DTNB: variants seen among roughly 807,000 people sequenced by gnomAD.
DTNB encodes DTN-B.
Under a neutral mutation model 90.7 loss-of-function variants are expected in DTNB, and 63 were observed. That is an observed-to-expected ratio of 0.69 (90% CI 0.57 to 0.86). The LOEUF (loss-of-function observed/expected upper bound fraction) is 0.86. Among genes scored for constraint, DTNB ranks in the 40% least tolerant of loss-of-function variants. DTNB has a pLI of 0.00. For missense variants in DTNB, 744 were observed against 807.1 expected, an observed-to-expected ratio of 0.92 and a Z score of 0.95; for synonymous variants, 277 against 286.7, an observed-to-expected ratio of 0.97 and a Z score of 0.34.
At chr2:25,397,844 C>T (rs904166940) in intron 16 of DTNB, among the ~76,000 whole-genome samples, 2 of 146,356 alleles carry the variant, frequency 1.4e-5, no homozygotes, top group African/African-American at 5.2e-5. Flanking sequence ...CCTGCCACTG[C>T]CCTCCAGCCT....
chr2:25,379,913 G>C (rs979053182), intron 19 of DTNB: 1 of 152,502 alleles, frequency 6.6e-6, no homozygotes, highest in Non-Finnish European at 1.5e-5. Flanking sequence ...TGTGGAGGGT[G>C]GAGATGATGT....
intron 5 of DTNB, among the ~76,000 whole-genome samples, chr2:25,600,858 T>C (rs747877284): frequency 6.6e-5 from 10 of 152,222 alleles, no homozygotes; most frequent in Non-Finnish European, 7.3e-5. Context: ...TACTACGTCA[T>C]ATGAATAGAT....
intron 12 of DTNB, among the ~76,000 whole-genome samples, chr2:25,442,306 C>T (rs1409824494): frequency 1.3e-5 from 2 of 152,226 alleles, no homozygotes; most frequent in Admixed American, 6.5e-5. Context: ...TCTAACATGG[C>T]AGGTGACTCT....
intron 14 of DTNB, among the ~76,000 whole-genome samples, chr2:25,428,834 G>A (rs2052822041): frequency 6.6e-6 from 1 of 152,094 alleles, no homozygotes; most frequent in African/African-American, 2.4e-5. Context: ...CCTTAGACAA[G>A]TCACTTAGCC....
intron 8 of DTNB, among the ~76,000 whole-genome samples, chr2:25,570,051 C>G (rs1435844354): frequency 6.7e-6 from 1 of 149,304 alleles, no homozygotes; most frequent in Admixed American, 6.7e-5. Context: ...GAGCCGAGAT[C>G]GTGCCCCTGC....
intron 4 of DTNB, among the ~76,000 whole-genome samples, chr2:25,617,719 A>G (rs1368672384): frequency 6.6e-6 from 1 of 152,112 alleles, no homozygotes; most frequent in Non-Finnish European, 1.5e-5. Context: ...TATTAATAAA[A>G]ATACAAAAAT....
At chr2:25,425,427 G>T (rs1250308384) in intron 15 of DTNB, among the ~76,000 whole-genome samples, 1 of 152,178 alleles carries the variant, frequency 6.6e-6, no homozygotes, top group Non-Finnish European at 1.5e-5. Flanking sequence ...TCATTACTAA[G>T]AGACTGACTT....
In DTNB at chr2:25,580,682, C is replaced by G. The variant is rs2148197658; in HGVS notation, c.709+39G>C. ...TGCAAATAATCAGTTCCTATACTTT[C>G]TATAGCATGCGGAATTGAACAATAA... is the stretch of plus-strand genomic sequence containing the variant. On this transcript the variant is annotated intron_variant, in intron 7 of 20. Transcript: ENST00000406818. 2.6e-6 allele frequency: 4 copies of G among 1,545,708 alleles called. 1 individual carries two copies. In the Admixed American group the frequency reaches 6.7e-5, roughly 26 times the overall value.
intron 5 of DTNB, among the ~76,000 whole-genome samples, chr2:25,600,392 C>T (rs1242471909): frequency 1.3e-5 from 2 of 152,168 alleles, no homozygotes; most frequent in Non-Finnish European, 1.5e-5. Context: ...AGTACAGAGG[C>T]CTGGGATATG....
At chr2:25,479,469 T>C (rs1334341718) in intron 10 of DTNB, among the ~76,000 whole-genome samples, 2 of 152,212 alleles carry the variant, frequency 1.3e-5, no homozygotes, top group Non-Finnish European at 2.9e-5. Flanking sequence ...TGGACGCTTT[T>C]AAAAGAAAGT....
At chr2:25,515,140 C>T (rs2074818832) in intron 9 of DTNB, among the ~76,000 whole-genome samples, 1 of 151,448 alleles carries the variant, frequency 6.6e-6, no homozygotes, top group Non-Finnish European at 1.5e-5. Flanking sequence ...AATGCAAACA[C>T]AGAAGGCAAG....
chr2:25,532,031 G>A lies in DTNB; in HGVS notation c.877-434C>T, dbSNP rs150273803. Among the ~76,000 whole-genome samples, 9 of 152,218 alleles carry A rather than the reference G, an allele frequency of 5.9e-5. No individual in the cohort carries two copies. In the East Asian group the frequency reaches 1.7e-3, roughly 29 times the overall value. ...GAAGGCCAAGGTAGGTGGATCACCTGAGGTTGGGAGTTTGAGACTAGCCCA... is the reference window on the plus strand; with the variant it reads ...GAAGGCCAAGGTAGGTGGATCACCTAAGGTTGGGAGTTTGAGACTAGCCCA... On this transcript the variant is annotated intron_variant, in intron 8 of 20. Coordinates refer to ENST00000406818, the MANE Select transcript of DTNB (RefSeq NM_021907.5).
chr2:25,390,780 A>C (rs2040873685), intron 16 of DTNB, among the ~76,000 whole-genome samples: 1 of 152,072 alleles, frequency 6.6e-6, no homozygotes, highest in Non-Finnish European at 1.5e-5. Context: ...TCATTAAAAA[A>C]CATATGAACA....
intron 8 of DTNB, among the ~76,000 whole-genome samples, chr2:25,542,703 T>C (rs1002939071): frequency 5.3e-5 from 8 of 152,258 alleles, no homozygotes; most frequent in Admixed American, 6.5e-5. Flanking sequence ...TTAATAATTA[T>C]GTTATTATTT....
intron 9 of DTNB, among the ~76,000 whole-genome samples, chr2:25,508,628 G>A (rs1392196911): frequency 3.4e-5 from 5 of 146,428 alleles, no homozygotes; most frequent in Non-Finnish European, 7.4e-5. Flanking sequence ...TCCGCCTCCC[G>A]GGTTCAAGCG....
At chr2:25,399,350 C>CTTTTTTTTTTTTTTTTTTTTTTT (rs774817421) in intron 16 of DTNB, 1 of 119,964 alleles carries the variant, frequency 8.3e-6, no homozygotes, top group African/African-American at 3.7e-5. Flanking sequence ...CGCCCCTGAC[C>CTTTTTTTTTTTTTTTTTTTTTTT]TTTTTTTTTT....
chr2:25,494,746 T>C (rs2150500490), intron 9 of DTNB, among the ~76,000 whole-genome samples: 1 of 152,158 alleles, frequency 6.6e-6, no homozygotes, highest in East Asian at 1.9e-4. Context: ...ACCTCTTCCT[T>C]TATCCCAATT....
At chr2:25,641,055 C>T (rs924375105) in intron 2 of DTNB, among the ~76,000 whole-genome samples, 1 of 151,952 alleles carries the variant, frequency 6.6e-6, no homozygotes, top group African/African-American at 2.4e-5. Flanking sequence ...ACGCTCCAGC[C>T]AAGTTTGCCA....
chr2:25,436,739 G>A (rs546613301), intron 12 of DTNB, among the ~76,000 whole-genome samples: 29 of 152,196 alleles, frequency 1.9e-4, no homozygotes, highest in Non-Finnish European at 3.7e-4. Flanking sequence ...GAGAGCCTGA[G>A]TTGAGTCTCA....
Sources: allele counts gnomAD v4.1 joint callset (sites outside exome capture counted in the v4.1 genomes callset), GRCh38; gene constraint gnomAD v4.1.1; transcripts MANE v1.5; gene names NCBI Gene and HGNC (gene_info 2026-07-23, HGNC 2026-07-21).